The following RBFOX1 variants were observed in gnomAD, a reference collection of about 807,000 sequenced individuals.
RBFOX1 encodes the protein RNA binding protein fox-1 homolog 1.
RBFOX1 carries 8 observed loss-of-function variants against 57.7 expected under a neutral mutation model. The observed-to-expected ratio is 0.14, with a 90% CI of 0.08 to 0.25. The LOEUF (loss-of-function observed/expected upper bound fraction) is 0.25, where lower values mean the gene tolerates loss of function less well. Among genes scored for constraint, RBFOX1 ranks in the 10% least tolerant of loss-of-function variants. The probability of loss-of-function intolerance (pLI) is 1.00; values close to 1 mark genes in which losing one functional copy is unlikely to be tolerated. For missense variants in RBFOX1, 611 were observed against 548.5 expected, an observed-to-expected ratio of 1.11 and a Z score of -1.14; for synonymous variants, 326 against 222.4, an observed-to-expected ratio of 1.47 and a Z score of -4.15.
intron 2 of RBFOX1, among the ~76,000 whole-genome samples, chr16:6,559,815 C>T (rs765776668): frequency 7.2e-5 from 11 of 152,170 alleles, no homozygotes; most frequent in East Asian, 5.8e-4. Context: ...GGTGTAAAGA[C>T]GACAAACTGA....
At chr16:6,906,807 C>G (rs2070103877) in intron 3 of RBFOX1, among the ~76,000 whole-genome samples, 1 of 151,168 alleles carries the variant, frequency 6.6e-6, no homozygotes, top group Non-Finnish European at 1.5e-5. Context: ...ACTGCAACCT[C>G]TACCTCCTGG....
chr16:7,071,924 C>T (rs2057417700), intron 4 of RBFOX1, among the ~76,000 whole-genome samples: 1 of 152,114 alleles, frequency 6.6e-6, no homozygotes, highest in African/African-American at 2.4e-5. Flanking sequence ...TTCACTACTA[C>T]ATCTTTTTCA....
rs772197905 is a variant in RBFOX1 at position 7,630,693 on chromosome 16, C to T, written c.757+10C>T. ...GTATATACTTCTGCAAGTAAGCCCACTGTCGTGGCTCTTTTTGTTTTGTGA... is the reference window on the plus strand; with the variant it reads ...GTATATACTTCTGCAAGTAAGCCCATTGTCGTGGCTCTTTTTGTTTTGTGA... On this transcript the variant is annotated intron_variant, in intron 11 of 15. Transcript: ENST00000550418. The T allele has an allele frequency of 4.3e-6, 7 of 1,614,128 alleles. No homozygotes were observed. Among genetic ancestry groups the T allele is most frequent in the Non-Finnish European group, 3.4e-6 (4 of 1,180,038 alleles).
At chr16:6,320,059 C>G (rs1330274361) in intron 2 of RBFOX1, among the ~76,000 whole-genome samples, 2 of 151,980 alleles carry the variant, frequency 1.3e-5, no homozygotes, top group Non-Finnish European at 2.9e-5. Flanking sequence ...AAAGCATACT[C>G]TTAATATAAT....
chr16:7,277,395 C>T (rs970436854), intron 4 of RBFOX1, among the ~76,000 whole-genome samples: 8 of 152,164 alleles, frequency 5.3e-5, no homozygotes, highest in Admixed American at 1.3e-4. Context: ...CTCCATCTCC[C>T]ACCCATCTCC....
chr16:6,029,092 T>C (rs1435156417), intron 1 of RBFOX1, among the ~76,000 whole-genome samples: 1 of 151,950 alleles, frequency 6.6e-6, no homozygotes, highest in Non-Finnish European at 1.5e-5. Flanking sequence ...CACTTCTTAT[T>C]TTTTTTTACC....
intron 4 of RBFOX1, among the ~76,000 whole-genome samples, chr16:7,152,415 G>A (rs11859227): frequency 0.14 from 21,747 of 152,146 alleles, 1,625 homozygotes; most frequent in East Asian, 0.25. Context: ...TGACCCGATA[G>A]CCAAAGAAAT....
At chr16:5,291,658 G>T (rs1021301511) in intron 1 of RBFOX1, among the ~76,000 whole-genome samples, 58 of 152,346 alleles carry the variant, frequency 3.8e-4, no homozygotes, top group African/African-American at 1.3e-3. Flanking sequence ...TTTGGTCCCT[G>T]TGAGGAGTGC....
rs539109214 is a variant in RBFOX1 at position 5,394,289 on chromosome 16, T to G, written c.220-72927T>G. Among the ~76,000 whole-genome samples, 10 of 152,310 alleles carry G rather than the reference T, an allele frequency of 6.6e-5. No individual in the cohort carries two copies. In the East Asian group the frequency reaches 1.9e-3, roughly 29 times the overall value. ...TGCCCGCCTCAGCCTCTCAAAGTGC[T>G]GGGATTACAGGCATGAGACATTGCG... On this transcript the variant is annotated intron_variant, in intron 1 of 2. Coordinates refer to the RBFOX1 transcript ENST00000585867.
chr16:6,264,616 TG>T (rs2097721996), intron 1 of RBFOX1, among the ~76,000 whole-genome samples: 1 of 152,074 alleles, frequency 6.6e-6, no homozygotes, highest in Non-Finnish European at 1.5e-5. Context: ...CAGGACCTTT[TG>T]CTCATACTCT....
chr16:6,214,777 G>C (rs1236862908), intron 1 of RBFOX1, among the ~76,000 whole-genome samples: 2 of 112,292 alleles, frequency 1.8e-5, no homozygotes, highest in Non-Finnish European at 3.7e-5. Context: ...GAGAGAGAGA[G>C]AGGGAGAAGG....
At chr16:7,021,925 CTTT>C (rs1568407252) in intron 3 of RBFOX1, among the ~76,000 whole-genome samples, 1 of 147,446 alleles carries the variant, frequency 6.8e-6, no homozygotes, top group African/African-American at 2.5e-5. Context: ...TTCTTTCTTT[CTTT>C]ATTTTCTTTT....
chr16:6,805,369 C>G (rs1040532221), intron 3 of RBFOX1, among the ~76,000 whole-genome samples: 1 of 152,106 alleles, frequency 6.6e-6, no homozygotes, highest in African/African-American at 2.4e-5. Flanking sequence ...AGGGGAACAG[C>G]AGACTTTGGG....
chr16:6,661,333 A>G (rs1358597492), intron 3 of RBFOX1, among the ~76,000 whole-genome samples: 3 of 152,248 alleles, frequency 2.0e-5, no homozygotes, highest in Admixed American at 1.3e-4. Flanking sequence ...CAGAGGGAAC[A>G]GAATGGCGAG....
intron 3 of RBFOX1, among the ~76,000 whole-genome samples, chr16:6,793,950 C>G (rs932527709): frequency 2.0e-5 from 3 of 152,186 alleles, no homozygotes; most frequent in South Asian, 2.1e-4. Flanking sequence ...GAGATGAAAA[C>G]AAGAGGGTGG....
At chr16:6,891,492 A>T (rs1596341743) in intron 3 of RBFOX1, among the ~76,000 whole-genome samples, 1 of 152,026 alleles carries the variant, frequency 6.6e-6, no homozygotes, top group Non-Finnish European at 1.5e-5. Context: ...AGAGGAGAGG[A>T]GAGGGGAAGA....
At chr16:5,423,426 C>T (rs2067415730) in intron 1 of RBFOX1, among the ~76,000 whole-genome samples, 1 of 152,206 alleles carries the variant, frequency 6.6e-6, no homozygotes, top group Non-Finnish European at 1.5e-5. Flanking sequence ...TCGATCACCA[C>T]AGAATAACTA....
chr16:6,281,681 C>T (rs77753884), intron 1 of RBFOX1, among the ~76,000 whole-genome samples: 4 of 152,028 alleles, frequency 2.6e-5, no homozygotes, highest in Admixed American at 2.0e-4. Context: ...TTTGTGCCGA[C>T]GTAATAACAA....
chr16:7,266,060 C>T (rs542647843), intron 4 of RBFOX1, among the ~76,000 whole-genome samples: 53 of 149,464 alleles, frequency 3.5e-4, no homozygotes, highest in Admixed American at 1.1e-3. Context: ...CTGCAAGCTC[C>T]GCCTCCCAGG....
Sources: allele counts gnomAD v4.1 joint callset (sites outside exome capture counted in the v4.1 genomes callset), GRCh38; gene constraint gnomAD v4.1.1; transcripts MANE v1.5; gene names NCBI Gene and HGNC (gene_info 2026-07-23, HGNC 2026-07-21).